KDM2B: variants seen among roughly 807,000 people sequenced by gnomAD.
KDM2B encodes lysine-specific demethylase 2B.
A neutral mutation model predicts 150.0 loss-of-function variants in KDM2B; 26 were observed. The ratio of observed to expected loss-of-function variants is 0.17; its 90% CI spans 0.13 to 0.24. KDM2B has a LOEUF of 0.24. KDM2B is among the 10% of genes least tolerant of loss of function. The probability of loss-of-function intolerance (pLI) is 1.00; values close to 1 mark genes in which losing one functional copy is unlikely to be tolerated. For synonymous variants in KDM2B, 734 were observed against 729.5 expected (o/e 1.01, Z -0.10); for missense variants, 1,265 against 1,816.9 (o/e 0.70, Z 5.52).
At chr12:121,515,939 G>T (rs1196326974) in intron 9 of KDM2B, among the ~76,000 whole-genome samples, 1 of 152,150 alleles carries the variant, frequency 6.6e-6, no homozygotes, top group Non-Finnish European at 1.5e-5. Context: ...CAGTTTCAGT[G>T]CTGGGAGAAG....
intron 9 of KDM2B, chr12:121,516,887 A>AACC: frequency 1.5e-6 from 1 of 657,454 alleles, no homozygotes; most frequent in South Asian, 1.7e-5. Flanking sequence ...AAAAAAAATC[A>AACC]ATGGAAAAAA....
At chr12:121,580,174 G>A in intron 1 of KDM2B, 7 of 1,302,890 alleles carry the variant, frequency 5.4e-6, no homozygotes, top group East Asian at 3.2e-5. Context: ...GCAAGCCAGA[G>A]CCGAGATCTA....
In KDM2B at chr12:121,549,915, G is replaced by A. The variant is rs570947648; in HGVS notation, c.398-277C>T. ...AAGCAGCTGGGCATGGTGGCTTAAG[G>A]CTGTAATCCCAGCACTTTGGGAGGC... On this transcript the variant is annotated intron_variant, in intron 4 of 22. Coordinates refer to ENST00000377071, the MANE Select transcript of KDM2B (RefSeq NM_032590.5). The surrounding 1 kb of genome is among the most constrained non-coding windows in gnomAD (Gnocchi z 4.4). Among the ~76,000 whole-genome samples, 3 of 152,262 alleles carry A rather than the reference G, an allele frequency of 2.0e-5. No homozygotes were observed. The highest frequency in any genetic ancestry group is 4.8e-5 in the African/African-American group (2 of 41,540).
At chr12:121,482,876 C>T (rs1213695868) in intron 12 of KDM2B, among the ~76,000 whole-genome samples, 4 of 152,006 alleles carry the variant, frequency 2.6e-5, no homozygotes, top group Non-Finnish European at 1.5e-5. Flanking sequence ...ATAAGGAAAA[C>T]GTTATTGGGC....
At chr12:121,489,194 C>T (rs1322434435) in intron 12 of KDM2B, among the ~76,000 whole-genome samples, 2 of 152,190 alleles carry the variant, frequency 1.3e-5, no homozygotes, top group Admixed American at 6.5e-5. Flanking sequence ...ATGTGCCCAA[C>T]TCGGCCTCCC....
At chr12:121,560,331 T>C (rs1007039802) in intron 4 of KDM2B, among the ~76,000 whole-genome samples, 3 of 152,226 alleles carry the variant, frequency 2.0e-5, no homozygotes, top group Non-Finnish European at 4.4e-5. Flanking sequence ...CAGAACTCAG[T>C]TGCCTTGTGT....
At chr12:121,504,244 T>C (rs1884854143) in intron 11 of KDM2B, among the ~76,000 whole-genome samples, 1 of 152,150 alleles carries the variant, frequency 6.6e-6, no homozygotes, top group Admixed American at 6.5e-5. Flanking sequence ...TTATTTTTTA[T>C]AGACATAGGA....
intron 12 of KDM2B, among the ~76,000 whole-genome samples, chr12:121,463,016 C>CA (rs376231867): frequency 0.027 from 3,259 of 119,508 alleles, 119 homozygotes; most frequent in East Asian, 0.23. Flanking sequence ...CCTGCCTCAG[C>CA]AAAAAAAAAA....
chr12:121,508,133 C>A (rs1283491973), intron 11 of KDM2B, among the ~76,000 whole-genome samples: 1 of 152,082 alleles, frequency 6.6e-6, no homozygotes, highest in Non-Finnish European at 1.5e-5. Context: ...GTTGCCCAGG[C>A]TAGAGTGCAG....
intron 8 of KDM2B, among the ~76,000 whole-genome samples, chr12:121,526,119 AG>A (rs1405097836): frequency 7.9e-5 from 12 of 152,338 alleles, no homozygotes; most frequent in African/African-American, 2.9e-4. Context: ...TGGGAGGCCA[AG>A]GCAGGCGGAT....
chr12:121,517,611 G>A (rs1324029629), intron 9 of KDM2B, among the ~76,000 whole-genome samples: 1 of 151,872 alleles, frequency 6.6e-6, no homozygotes, highest in Non-Finnish European at 1.5e-5. Flanking sequence ...TGGGACTACA[G>A]GCATGAACCA....
chr12:121,439,675 C>T (rs1411068358), intron 22 of KDM2B, among the ~76,000 whole-genome samples, 182 bp downstream of exon 22: 5 of 152,186 alleles, frequency 3.3e-5, no homozygotes, highest in African/African-American at 4.8e-5. Context: ...CTACCGCACC[C>T]GGCCAACAGT....
Position 121,549,052 on chromosome 12 carries a change from C to T in KDM2B, c.577-69G>A, listed in dbSNP as rs76492135. The T allele has an allele frequency of 3.4e-4, 454 of 1,320,582 alleles. No homozygotes were observed. In the East Asian group the frequency reaches 5.9e-3, roughly 17 times the overall value. 81.8% of individuals were successfully genotyped at this position (1,320,582 alleles called of 1,614,324 possible). ...AGCCAGACACAAATACCCCTTTCCC[C>T]GGAGAGTCCTTGGGCCCCCCCGCTC... On this transcript the variant is annotated intron_variant, in intron 5 of 22. Transcript: ENST00000377071. The surrounding 1 kb of genome is among the most constrained non-coding windows in gnomAD (Gnocchi z 4.4).
At chr12:121,501,607 T>G (rs1884556973) in intron 11 of KDM2B, among the ~76,000 whole-genome samples, 1 of 151,876 alleles carries the variant, frequency 6.6e-6, no homozygotes, top group Non-Finnish European at 1.5e-5. Flanking sequence ...ACTTGGTATT[T>G]TTTGTTGTTG....
chr12:121,427,674 A>G (rs529890361), downstream of KDM2B, among the ~76,000 whole-genome samples: 1 of 152,304 alleles, frequency 6.6e-6, no homozygotes, highest in East Asian at 1.9e-4. Context: ...GAAACTACAG[A>G]TCTGCTGTGT....
intron 4 of KDM2B, among the ~76,000 whole-genome samples, chr12:121,562,031 G>T (rs1484427711): frequency 6.6e-6 from 1 of 151,706 alleles, no homozygotes; most frequent in Non-Finnish European, 1.5e-5. Context: ...AATTAGCCGG[G>T]CGTGGTGGTG....
At chr12:121,541,827 T>C (rs1423878210) in intron 6 of KDM2B, among the ~76,000 whole-genome samples, 2 of 152,076 alleles carry the variant, frequency 1.3e-5, no homozygotes, top group Non-Finnish European at 2.9e-5. Flanking sequence ...TCTACAAACC[T>C]GTATTCTACA....
At chr12:121,457,739 T>TACACAAACACACACAC (rs1878484326) in intron 12 of KDM2B, among the ~76,000 whole-genome samples, 1 of 144,994 alleles carries the variant, frequency 6.9e-6, no homozygotes, top group African/African-American at 2.5e-5. Flanking sequence ...ATCGGAAACA[T>TACACAAACACACACAC]ACACACACAC....
downstream of KDM2B, among the ~76,000 whole-genome samples, chr12:121,425,287 G>A (rs568521370): frequency 2.1e-4 from 28 of 130,944 alleles, no homozygotes; most frequent in Admixed American, 1.5e-3. Flanking sequence ...CAGGCTGGGC[G>A]ACGAGCGAAA....
Sources: allele counts gnomAD v4.1 joint callset (sites outside exome capture counted in the v4.1 genomes callset), GRCh38; gene constraint gnomAD v4.1.1; non-coding constraint Gnocchi (gnomAD v3.1); transcripts MANE v1.5; gene names NCBI Gene and HGNC (gene_info 2026-07-23, HGNC 2026-07-21).